FAM193A: variants seen among roughly 807,000 people sequenced by gnomAD.
FAM193A encodes family with sequence similarity 193 member A.
FAM193A carries 22 observed loss-of-function variants against 126.5 expected under a neutral mutation model. The ratio of observed to expected loss-of-function variants is 0.17; its 90% confidence interval spans 0.12 to 0.25. FAM193A has a LOEUF of 0.25. Among genes scored for constraint, FAM193A ranks in the 10% least tolerant of loss-of-function variants. The pLI is 1.00. For synonymous variants in FAM193A, 761 were observed against 646.8 expected (o/e 1.18, Z -2.68); for missense variants, 1,675 against 1,672.8 (o/e 1.00, Z -0.02).
intron 1 of FAM193A, among the ~76,000 whole-genome samples, chr4:2,574,184 G>T (rs1739450134): frequency 6.6e-6 from 1 of 152,030 alleles, no homozygotes. Flanking sequence ...GTGTCAGTGT[G>T]GGGTGTCTGA....
rs1411223618 is a variant in FAM193A at position 2,672,349 on chromosome 4, A to G, written c.2308A>G (p.Thr770Ala). 5.6e-6 allele frequency: 9 copies of G among 1,614,102 alleles called. No individual in the cohort carries two copies. Among genetic ancestry groups the G allele is most frequent in the South Asian group, 2.2e-5 (2 of 91,072 alleles). Residue 770 changes from threonine to alanine, a missense_variant, in exon 13 of 21, where the codon ACG becomes GCG. By Grantham distance (58) the Thr-to-Ala change is moderately conservative. Around this residue, in one of 4 missense-constraint regions of FAM193A, gnomAD observed 1,186 missense variants for 1,109.2 expected, o/e 1.07. Transcript: ENST00000637812. ...TCTCATCCACCCCACCTTGTATGCA[A>G]CGCCCCCCTTCACACACAGTAAGGT... is the stretch of plus-strand genomic sequence containing the variant. ...RPLIHPTLYA[T>A]PPFTHSKALP...
chr4:2,655,356 C>G (rs1167011530), intron 7 of FAM193A, among the ~76,000 whole-genome samples: 1 of 151,962 alleles, frequency 6.6e-6, no homozygotes, highest in Non-Finnish European at 1.5e-5. Context: ...GGGATGAAAC[C>G]CTAGTAGATC....
intron 1 of FAM193A, among the ~76,000 whole-genome samples, chr4:2,574,250 G>C (rs1426226403): frequency 6.6e-6 from 1 of 152,054 alleles, no homozygotes; most frequent in Non-Finnish European, 1.5e-5. Flanking sequence ...GGAGTGGGGC[G>C]AGGGGTCTCT....
intron 1 of FAM193A, among the ~76,000 whole-genome samples, chr4:2,565,275 T>A (rs866179338): frequency 2.1e-5 from 2 of 97,104 alleles, no homozygotes; most frequent in African/African-American, 8.7e-5. Context: ...TTTTTTTTTT[T>A]TAAAAGATGC....
At chr4:2,722,633 G>A (rs1477242062) in intron 20 of FAM193A, among the ~76,000 whole-genome samples, 2 of 152,124 alleles carry the variant, frequency 1.3e-5, no homozygotes, top group Non-Finnish European at 2.9e-5. Context: ...TGGATTCTGG[G>A]AGATGACACA....
chr4:2,717,380 C>T (rs1248136874), intron 20 of FAM193A, among the ~76,000 whole-genome samples: 4 of 152,048 alleles, frequency 2.6e-5, no homozygotes, highest in Non-Finnish European at 2.9e-5. Flanking sequence ...ATCACTTGAT[C>T]AGGTCAGGAG....
chr4:2,715,988 G>A (rs747402333), intron 19 of FAM193A, 35 bp from the exon 20 acceptor site: 1 of 1,165,636 alleles, frequency 8.6e-7, no homozygotes, highest in Admixed American at 1.7e-5. Flanking sequence ...GCCTGCTGCT[G>A]TAATTTGACT....
chr4:2,607,612 C>T (rs182492148), intron 2 of FAM193A, among the ~76,000 whole-genome samples: 1 of 152,328 alleles, frequency 6.6e-6, no homozygotes, highest in East Asian at 1.9e-4. Context: ...GAAAATAATG[C>T]TTTCCCTTCT....
intron 1 of FAM193A, among the ~76,000 whole-genome samples, chr4:2,586,200 G>A (rs1740225240): frequency 6.6e-6 from 1 of 151,740 alleles, no homozygotes; most frequent in Non-Finnish European, 1.5e-5. Context: ...CTGAGATGAT[G>A]CCATTGCACT....
At chr4:2,679,882 C>T (rs1007970503) in intron 13 of FAM193A, among the ~76,000 whole-genome samples, 16 of 150,284 alleles carry the variant, frequency 1.1e-4, no homozygotes, top group African/African-American at 2.4e-4. Flanking sequence ...TTCTTTGAGA[C>T]GGAGTCTTGC....
chr4:2,555,673 A>G (rs1048809400), intron 1 of FAM193A, among the ~76,000 whole-genome samples: 1 of 151,592 alleles, frequency 6.6e-6, no homozygotes, highest in Non-Finnish European at 1.5e-5. Context: ...GCTGGAGTGC[A>G]GTGGCGCAAT....
intron 1 of FAM193A, among the ~76,000 whole-genome samples, chr4:2,590,490 AAAAAACAAAAAAAAAC>A (rs1740490025): frequency 3.9e-5 from 4 of 101,696 alleles, no homozygotes; most frequent in Admixed American, 8.5e-5. Context: ...AAAAAACAAA[AAAAAACAAAAAAAAAC>A]AAAAAAAAAA....
At chr4:2,536,521 G>C (rs891975494), upstream of FAM193A, 5 of 150,376 alleles carry the variant, frequency 3.3e-5, no homozygotes, top group African/African-American at 1.2e-4. Flanking sequence ...ACGGCAGGAG[G>C]GGGTGGGCAA....
chr4:2,732,406 GA>G lies in FAM193A; in HGVS notation c.*539del, dbSNP rs1458349407. 1 of 164,692 alleles carries G rather than the reference GA, an allele frequency of 6.1e-6. No homozygotes were observed. Among genetic ancestry groups the G allele is most frequent in the Non-Finnish European group, 1.3e-5 (1 of 75,436 alleles). The allele number at this position is 164,692 out of a possible 1,614,324, so 10.2% of individuals were successfully genotyped here. On this transcript the variant is annotated 3_prime_UTR_variant, in exon 21 of 21. Coordinates refer to ENST00000637812, the MANE Select transcript of FAM193A (RefSeq NM_001366318.2). ...GCTTGTGTAAGATCCCTTGCAGAAC[GA>G]GAAAGTTAAAAACAAGCCCACCCAG...
At chr4:2,721,812 C>A (rs1464737282) in intron 20 of FAM193A, among the ~76,000 whole-genome samples, 1 of 152,224 alleles carries the variant, frequency 6.6e-6, no homozygotes, top group Non-Finnish European at 1.5e-5. Flanking sequence ...ACTAGAGGTT[C>A]TCCTGCATGT....
At chr4:2,645,587 C>T (rs569236779) in intron 6 of FAM193A, among the ~76,000 whole-genome samples, 78 of 151,832 alleles carry the variant, frequency 5.1e-4, no homozygotes, top group South Asian at 6.3e-4. Flanking sequence ...AGTGCAGTGG[C>T]GCGATCTCGG....
intron 20 of FAM193A, among the ~76,000 whole-genome samples, chr4:2,721,659 G>C (rs988134667): frequency 6.6e-6 from 1 of 152,340 alleles, no homozygotes; most frequent in Non-Finnish European, 1.5e-5. Context: ...CTGGAGGAAG[G>C]TGTGAAGCGA....
intron 7 of FAM193A, 34 bp downstream of exon 7, chr4:2,646,866 A>G (rs1351894616): frequency 6.3e-7 from 1 of 1,576,992 alleles, no homozygotes; most frequent in Non-Finnish European, 8.6e-7. Flanking sequence ...CACCCCGCGC[A>G]CATCCTCAGA....
intron 2 of FAM193A, among the ~76,000 whole-genome samples, chr4:2,602,959 C>CTTTTTTTTTTTTTTTTT (rs71178487): frequency 4.7e-5 from 2 of 42,306 alleles, no homozygotes; most frequent in African/African-American, 2.3e-4. Context: ...TGCACCCGGC[C>CTTTTTTTTTTTTTTTTT]TTTTTTTTTT....
Sources: gnomAD v4.1 joint callset for allele counts (sites outside exome capture counted in the v4.1 genomes callset) on GRCh38, gnomAD v4.1.1 for gene constraint, gnomAD v4.1.1 regional missense constraint, MANE v1.5 for transcripts, NCBI Gene and HGNC (gene_info 2026-07-23, HGNC 2026-07-21) for gene names.